APPL2: variants seen among roughly 807,000 people sequenced by gnomAD.
APPL2 encodes the protein adaptor protein, phosphotyrosine interacting with PH domain and leucine zipper 2, also known as DCC-interacting protein 13-beta.
In APPL2, 84 loss-of-function variants were observed where a neutral mutation model predicts 92.7. That is an observed-to-expected ratio of 0.91 (90% confidence interval 0.76 to 1.09). The LOEUF is 1.09. Among genes scored for constraint, APPL2 ranks in the 50% least tolerant of loss-of-function variants. APPL2 has a pLI of 0.00. For missense variants in APPL2, 736 were observed against 824.5 expected, an observed-to-expected ratio of 0.89 and a Z score of 1.31; for synonymous variants, 291 against 291.0, an observed-to-expected ratio of 1.00 and a Z score of 0.00.
chr12:105,233,060 C>T (rs1891035946), intron 1 of APPL2: 1 of 980,952 alleles, frequency 1.0e-6, no homozygotes, highest in Non-Finnish European at 1.2e-6. Flanking sequence ...GTGCTGTTGT[C>T]TTCACCTTAC....
chr12:105,193,645 T>C (rs1051718234), intron 14 of APPL2, among the ~76,000 whole-genome samples: 1 of 152,250 alleles, frequency 6.6e-6, no homozygotes, highest in African/African-American at 2.4e-5. Context: ...TCATAAAGCA[T>C]GCTACTTGTA....
At chr12:105,228,976 G>A (rs1286254498) in intron 2 of APPL2, 149 bp downstream of exon 2, 1 of 665,974 alleles carries the variant, frequency 1.5e-6, no homozygotes, top group Middle Eastern at 4.3e-4. Context: ...GGTTTTTGAG[G>A]TGAAAAGTAG....
In APPL2 at chr12:105,207,218, G is replaced by A. The variant is rs1431291657; in HGVS notation, c.475-11C>T. 6.2e-7 allele frequency: 1 copy of A among 1,607,914 alleles called. No individual in the cohort carries two copies. Among genetic ancestry groups the A allele is most frequent in the African/African-American group, 1.3e-5 (1 of 74,630 alleles). ...GACTTCGGTCTTCACCTGGTTAAAA[G>A]GTGAAAGGAAAACTTCAAGTTGTCT... On this transcript the variant is annotated splice_polypyrimidine_tract_variant and intron_variant, in intron 7 of 20. Transcript: ENST00000258530.
rs528874885 is a variant in APPL2, at chr12:105,174,527, T to C, written c.1861-79A>G. ...AACCCCTTTGGCCTGGCTTTCAATA[T>C]GTTCTGTAATCTAGTCTTGTTTCTC... On this transcript the variant is annotated intron_variant, in intron 20 of 20. Coordinates refer to ENST00000258530, the MANE Select transcript of APPL2 (RefSeq NM_018171.5). 69 of 1,464,362 alleles carry C rather than the reference T, an allele frequency of 4.7e-5. No individual in the cohort carries two copies. In the East Asian group the frequency reaches 5.0e-4, roughly 11 times the overall value. 90.7% of individuals were successfully genotyped at this position (1,464,362 alleles called of 1,614,324 possible).
chr12:105,217,145 G>C lies in APPL2; in HGVS notation c.214-5C>G. 1 of 1,597,924 alleles carries C rather than the reference G, an allele frequency of 6.3e-7. No homozygotes were observed. On this transcript the variant is annotated splice_polypyrimidine_tract_variant and splice_region_variant and intron_variant, in intron 3 of 20. Coordinates refer to ENST00000258530, the MANE Select transcript of APPL2 (RefSeq NM_018171.5). ...ACCTTTGCCAAGAGCAAAGTTCTAA[G>C]ACCAAAGAATAAAAGAAGCAGGTGT...
intron 2 of APPL2, among the ~76,000 whole-genome samples, chr12:105,226,943 T>A (rs894748965): frequency 6.6e-6 from 1 of 151,896 alleles, no homozygotes; most frequent in Non-Finnish European, 1.5e-5. Flanking sequence ...TAGGACCTTA[T>A]CTCTACCAAA....
chr12:105,198,027 T>G (rs1397194997), intron 10 of APPL2, 74 bp from the exon 11 acceptor site: 1 of 1,434,124 alleles, frequency 7.0e-7, no homozygotes, highest in Non-Finnish European at 9.6e-7. Flanking sequence ...TGCTACCTCG[T>G]TATGGGTACT....
At chr12:105,194,596 C>A (rs1300647236) in intron 14 of APPL2, among the ~76,000 whole-genome samples, 1 of 152,060 alleles carries the variant, frequency 6.6e-6, no homozygotes, top group African/African-American at 2.4e-5. Context: ...GAGGCTGAGG[C>A]AGGAGAATCA....
rs76251835 is a variant in APPL2 at position 105,224,387 on chromosome 12, T to C, written c.153+4738A>G. Reference sequence around the variant, plus strand: ...AGCGTATTACAAAGCTGTGGGCTGATAAACAAGGGTGGTTCTTCCATGATG... The same window carrying C: ...AGCGTATTACAAAGCTGTGGGCTGACAAACAAGGGTGGTTCTTCCATGATG... On this transcript the variant is annotated intron_variant, in intron 2 of 20. Transcript: ENST00000258530. Among the ~76,000 whole-genome samples, 426 of 152,312 alleles carry C rather than the reference T, an allele frequency of 2.8e-3. 17 individuals are homozygous for C. The East Asian group carries it at 0.07, about 25-fold the overall frequency.
At chr12:105,176,395 C>A (rs775050680) in intron 19 of APPL2, 12 of 496,276 alleles carry the variant, frequency 2.4e-5, no homozygotes, top group Admixed American at 4.0e-5. Context: ...TGTCCATATA[C>A]ACAGTGGCAA....
rs373485718 is a variant in APPL2, at chr12:105,176,846, T to C, written c.1812+30A>G. 42 of 1,609,494 alleles carry C rather than the reference T, an allele frequency of 2.6e-5. 1 individual carries two copies. In the African/African-American group the frequency reaches 5.1e-4, roughly 20 times the overall value. On this transcript the variant is annotated intron_variant, in intron 19 of 20. Transcript: ENST00000258530. ...TAAAATGGACTTGTTTGGACTGGGA[T>C]ATTATGGGATCTTCACATGAAAAAG...
chr12:105,200,180 G>A (rs1327441805), intron 9 of APPL2, among the ~76,000 whole-genome samples: 4 of 152,120 alleles, frequency 2.6e-5, no homozygotes, highest in Non-Finnish European at 5.9e-5. Flanking sequence ...TCCATGCTCA[G>A]CACCGTTGAT....
chr12:105,212,729 T>C (rs904160087), intron 4 of APPL2, among the ~76,000 whole-genome samples: 1 of 152,220 alleles, frequency 6.6e-6, no homozygotes, highest in Non-Finnish European at 1.5e-5. Context: ...GTGGCAAAGT[T>C]TCTTTTAGCA....
In APPL2 at chr12:105,208,934, C is replaced by A. The variant is rs182971736; in HGVS notation, c.374-735G>T. 3.0e-4 allele frequency among the ~76,000 whole-genome samples: 45 copies of A among 152,310 alleles called. 1 individual carries two copies. Among genetic ancestry groups the A allele is most frequent in the Admixed American group, 7.2e-4 (11 of 15,302 alleles). ...TTTCATTTTATCAAACAAAGCAAAG[C>A]CATTCACATCTATGTTGGTTATACT... On this transcript the variant is annotated intron_variant, in intron 5 of 20. Coordinates refer to ENST00000258530, the MANE Select transcript of APPL2 (RefSeq NM_018171.5).
intron 9 of APPL2, among the ~76,000 whole-genome samples, chr12:105,200,892 C>CT (rs1888135195): frequency 7.2e-6 from 1 of 139,712 alleles, no homozygotes; most frequent in South Asian, 2.3e-4. Context: ...ATCTATCTAT[C>CT]TATCTATCTA....
intron 15 of APPL2, 25 bp from the exon 16 acceptor site, chr12:105,189,849 A>C (rs748472277): frequency 6.2e-7 from 1 of 1,614,038 alleles, no homozygotes; most frequent in South Asian, 1.1e-5. Context: ...AGAGTTGAAC[A>C]AACACGACAG....
chr12:105,196,190 G>T (rs752609150), intron 11 of APPL2, among the ~76,000 whole-genome samples: 68 of 152,094 alleles, frequency 4.5e-4, no homozygotes, highest in Non-Finnish European at 8.4e-4. Flanking sequence ...AAATGAGAAG[G>T]CGGGACTCGG....
chr12:105,187,154 A>G (rs981505431), intron 17 of APPL2, among the ~76,000 whole-genome samples: 1 of 152,226 alleles, frequency 6.6e-6, no homozygotes, highest in African/African-American at 2.4e-5. Flanking sequence ...CCATTTCTGT[A>G]AAAGGTCCAG....
intron 8 of APPL2, among the ~76,000 whole-genome samples, chr12:105,205,384 C>T (rs368753268): frequency 5.3e-5 from 8 of 152,304 alleles, no homozygotes; most frequent in South Asian, 2.1e-4. Flanking sequence ...TGAATAATGA[C>T]GGTGTGCTCT....
Sources: gnomAD v4.1 joint callset for allele counts (sites outside exome capture counted in the v4.1 genomes callset) on GRCh38, gnomAD v4.1.1 for gene constraint, MANE v1.5 for transcripts, NCBI Gene and HGNC (gene_info 2026-07-23, HGNC 2026-07-21) for gene names.